Variants in SLC24A2 observed in about 807,000 individuals in gnomAD.
The protein encoded by SLC24A2 is sodium/potassium/calcium exchanger 2.
Under a neutral mutation model 62.0 loss-of-function variants are expected in SLC24A2, and 36 were observed. The ratio of observed to expected loss-of-function variants is 0.58; its 90% confidence interval spans 0.44 to 0.77. The LOEUF (loss-of-function observed/expected upper bound fraction) is 0.77, where lower values mean the gene tolerates loss of function less well. Among genes scored for constraint, SLC24A2 ranks in the 30% least tolerant of loss-of-function variants. The probability of loss-of-function intolerance (pLI) is 0.00; values close to 1 mark genes in which losing one functional copy is unlikely to be tolerated. For missense variants in SLC24A2, 846 were observed against 817.9 expected, an observed-to-expected ratio of 1.03 and a Z score of -0.42; for synonymous variants, 358 against 294.0, an observed-to-expected ratio of 1.22 and a Z score of -2.23.
chr9:19,756,752 T>G (rs1436801915), intron 2 of SLC24A2, among the ~76,000 whole-genome samples: 1 of 152,120 alleles, frequency 6.6e-6, no homozygotes, highest in Non-Finnish European at 1.5e-5. Context: ...AACTTTGACT[T>G]AAGTCTGTTC....
At chr9:20,031,135 CAT>C in the SLC24A2 span, among the ~76,000 whole-genome samples, 1 of 151,416 alleles carries the variant, frequency 6.6e-6, no homozygotes, top group Non-Finnish European at 1.5e-5. Context: ...CACATACACA[CAT>C]ATATATGTAT....
the SLC24A2 span, among the ~76,000 whole-genome samples, chr9:20,199,164 T>C: frequency 2.0e-5 from 3 of 152,244 alleles, no homozygotes; most frequent in Non-Finnish European, 4.4e-5. Context: ...CTCTCTCCAG[T>C]TAGGGATGAT....
chr9:19,840,314 A>G, the SLC24A2 span, among the ~76,000 whole-genome samples: 1 of 152,198 alleles, frequency 6.6e-6, no homozygotes, highest in Non-Finnish European at 1.5e-5. Context: ...GAATTAAACC[A>G]GTACCCAGGC....
chr9:19,819,262 G>A, the SLC24A2 span, among the ~76,000 whole-genome samples: 1 of 152,078 alleles, frequency 6.6e-6, no homozygotes, highest in Admixed American at 6.6e-5. Context: ...GATAACATTG[G>A]AAAAACCCTC....
chr9:19,732,237 A>C (rs1349301494), intron 2 of SLC24A2, among the ~76,000 whole-genome samples: 2 of 152,128 alleles, frequency 1.3e-5, no homozygotes, highest in African/African-American at 4.8e-5. Flanking sequence ...TGCTGCCAAA[A>C]CTTTCCAAGT....
At chr9:20,187,581 G>A in the SLC24A2 span, among the ~76,000 whole-genome samples, 2 of 152,188 alleles carry the variant, frequency 1.3e-5, no homozygotes, top group Admixed American at 1.3e-4. Context: ...AAATCTCTTT[G>A]TTCATGCTGC....
chr9:20,231,901 T>C, the SLC24A2 span, among the ~76,000 whole-genome samples: 1 of 152,194 alleles, frequency 6.6e-6, no homozygotes, highest in Non-Finnish European at 1.5e-5. Flanking sequence ...TATTTTGAGA[T>C]ATGTCCCATC....
intron 2 of SLC24A2, among the ~76,000 whole-genome samples, chr9:19,735,045 A>G (rs913744799): frequency 6.6e-6 from 1 of 152,174 alleles, no homozygotes; most frequent in East Asian, 1.9e-4. Context: ...CTGCACAGCA[A>G]AAGAAACCAC....
intron 2 of SLC24A2, among the ~76,000 whole-genome samples, chr9:19,636,507 C>T (rs1308493698): frequency 6.7e-6 from 1 of 150,030 alleles, no homozygotes; most frequent in Non-Finnish European, 1.5e-5. Flanking sequence ...TCTCGGCTCA[C>T]TACAACCTCT....
At chr9:19,873,576 TCCTTTCCTTC>T in the SLC24A2 span, among the ~76,000 whole-genome samples, 10 of 150,310 alleles carry the variant, frequency 6.7e-5, no homozygotes, top group Non-Finnish European at 1.3e-4. Flanking sequence ...TTCTCTCCTT[TCCTTTCCTTC>T]CCTTTCCTTT....
At chr9:20,216,861 T>C in the SLC24A2 span, among the ~76,000 whole-genome samples, 2 of 152,312 alleles carry the variant, frequency 1.3e-5, no homozygotes, top group South Asian at 4.1e-4. Context: ...ATTGGTTGTT[T>C]CCATCTTTTT....
chr9:20,087,655 T>C, the SLC24A2 span, among the ~76,000 whole-genome samples: 1 of 152,198 alleles, frequency 6.6e-6, no homozygotes, highest in African/African-American at 2.4e-5. Flanking sequence ...TTTTCCTACT[T>C]GATTTTAGCA....
chr9:19,511,631 G>GGA lies in SLC24A2; in HGVS notation c.*4520_*4521dup, dbSNP rs1306886624. 1.3e-5 allele frequency: 2 copies of GGA among 151,968 alleles called. No homozygotes were observed. The highest frequency in any genetic ancestry group is 2.1e-4 in the South Asian group (1 of 4,828). The allele number at this position is 151,968 out of a possible 1,614,324, so 9.4% of individuals were successfully genotyped here. The stretch of plus-strand genomic sequence containing the variant: ...TTGTTGAGACAGGTATAGGGGTTGA[G>GGA]GAGGTATCTTTTAAAAATATTAAGC... On this transcript the variant is annotated 3_prime_UTR_variant, in exon 11 of 11. Transcript: ENST00000341998.
At chr9:19,558,212 C>G (rs1287661390) in intron 7 of SLC24A2, among the ~76,000 whole-genome samples, 1 of 152,090 alleles carries the variant, frequency 6.6e-6, no homozygotes, top group Non-Finnish European at 1.5e-5. Flanking sequence ...GAAGGGCAGA[C>G]CTGGGGGTGT....
intron 2 of SLC24A2, among the ~76,000 whole-genome samples, chr9:19,749,094 C>G (rs1190271637): frequency 6.7e-6 from 1 of 148,550 alleles, no homozygotes; most frequent in African/African-American, 2.5e-5. Context: ...TTTGGGCATT[C>G]TAGATACCGA....
intron 2 of SLC24A2, among the ~76,000 whole-genome samples, chr9:19,744,707 C>T (rs887385635): frequency 7.9e-5 from 12 of 152,316 alleles, no homozygotes; most frequent in Non-Finnish European, 1.8e-4. Flanking sequence ...AACACTGTGG[C>T]TTGTTTCACT....
chr9:20,140,803 A>G, the SLC24A2 span, among the ~76,000 whole-genome samples: 24 of 152,154 alleles, frequency 1.6e-4, no homozygotes, highest in African/African-American at 5.6e-4. Context: ...TTGTATTTAT[A>G]CTGTGTGAGT....
the SLC24A2 span, among the ~76,000 whole-genome samples, chr9:19,934,990 G>A: frequency 6.6e-6 from 1 of 152,060 alleles, no homozygotes; most frequent in South Asian, 2.1e-4. This position sits in a 1 kb window ranked among gnomAD's most constrained non-coding sequence, Gnocchi z 4.1. Flanking sequence ...GGGAAAGGAG[G>A]AATCGATTTC....
intron 2 of SLC24A2, among the ~76,000 whole-genome samples, chr9:19,631,095 C>A (rs540517405): frequency 6.6e-6 from 1 of 152,178 alleles, no homozygotes; most frequent in Non-Finnish European, 1.5e-5. Context: ...ATTGAGCACC[C>A]TTCTGAGGGC....
Sources: allele counts gnomAD v4.1 joint callset (sites outside exome capture counted in the v4.1 genomes callset), GRCh38; gene constraint gnomAD v4.1.1; non-coding constraint Gnocchi (gnomAD v3.1); transcripts MANE v1.5; gene names NCBI Gene and HGNC (gene_info 2026-07-23, HGNC 2026-07-21).